The following MYLK variants were observed in gnomAD, a reference collection of about 807,000 sequenced individuals.
The protein encoded by MYLK is myosin light chain kinase.
In MYLK, 106 loss-of-function variants were observed where a neutral mutation model predicts 203.4. The ratio of observed to expected loss-of-function variants is 0.52; its 90% confidence interval spans 0.45 to 0.61. MYLK has a LOEUF of 0.61. Ranked by LOEUF, MYLK falls within the 20% of genes least tolerant of loss-of-function variation. The pLI, the probability that MYLK is intolerant of heterozygous loss-of-function variation, is 0.00. For missense variants in MYLK, 2,072 were observed against 2,442.3 expected, an observed-to-expected ratio of 0.85 and a Z score of 3.20; for synonymous variants, 867 against 959.5, an observed-to-expected ratio of 0.90 and a Z score of 1.78.
intron 4 of MYLK, among the ~76,000 whole-genome samples, chr3:123,762,853 A>G (rs2063578541): frequency 6.6e-6 from 1 of 152,160 alleles, no homozygotes; most frequent in Non-Finnish European, 1.5e-5. Flanking sequence ...TTGATCTTAG[A>G]CTTCTCAGCT....
intron 19 of MYLK, among the ~76,000 whole-genome samples, chr3:123,684,134 C>T (rs948733808): frequency 2.6e-5 from 4 of 152,184 alleles, no homozygotes; most frequent in African/African-American, 9.7e-5. Context: ...ATCCTCTGGA[C>T]ATAGTTATTT....
At chr3:123,722,046 A>G in intron 13 of MYLK, 82 bp downstream of exon 13, 2 of 1,531,300 alleles carry the variant, frequency 1.3e-6, no homozygotes, top group East Asian at 2.5e-5. Flanking sequence ...TCATGATACC[A>G]TTTTCTACAA....
At chr3:123,665,129 A>G (rs2108331846) in intron 22 of MYLK, among the ~76,000 whole-genome samples, 1 of 152,354 alleles carries the variant, frequency 6.6e-6, no homozygotes, top group East Asian at 1.9e-4. Context: ...TATGAATTAT[A>G]TCTTAACAAA....
chr3:123,725,031 C>T (rs2062231021), intron 12 of MYLK, among the ~76,000 whole-genome samples: 1 of 152,142 alleles, frequency 6.6e-6, no homozygotes, highest in African/African-American at 2.4e-5. Context: ...GCATGAGCCA[C>T]CACACCTGGC....
chr3:123,826,098 A>G (rs73201815), intron 3 of MYLK, among the ~76,000 whole-genome samples: 2 of 152,120 alleles, frequency 1.3e-5, no homozygotes, highest in Admixed American at 1.3e-4. Context: ...CCCACAGGAC[A>G]TTCCTGGCAG....
At chr3:123,723,839 G>A (rs2062180042) in intron 12 of MYLK, among the ~76,000 whole-genome samples, 1 of 152,218 alleles carries the variant, frequency 6.6e-6, no homozygotes, top group African/African-American at 2.4e-5. Context: ...TATGGCTCCT[G>A]GGCAGAATGC....
chr3:123,853,944 A>G (rs1197357733), intron 2 of MYLK, among the ~76,000 whole-genome samples: 1 of 152,108 alleles, frequency 6.6e-6, no homozygotes, highest in Non-Finnish European at 1.5e-5. Flanking sequence ...ATATAACATA[A>G]GCAGAGGCTT....
intron 24 of MYLK, among the ~76,000 whole-genome samples, chr3:123,653,162 T>G (rs559323283): frequency 2.3e-3 from 345 of 152,170 alleles, no homozygotes; most frequent in African/African-American, 7.7e-3. Flanking sequence ...AGCACTGCCT[T>G]TTTAATATGA....
intron 27 of MYLK, among the ~76,000 whole-genome samples, chr3:123,644,818 G>T (rs942496596): frequency 1.3e-5 from 2 of 152,230 alleles, no homozygotes; most frequent in Non-Finnish European, 2.9e-5. Flanking sequence ...GCTGAATGTA[G>T]ATTGTAAGAT....
At chr3:123,760,526 T>C (rs935729672) in intron 4 of MYLK, among the ~76,000 whole-genome samples, 10 of 152,324 alleles carry the variant, frequency 6.6e-5, no homozygotes, top group African/African-American at 2.4e-4. Context: ...ACCACATTAA[T>C]AGATTCTAAA....
At chr3:123,846,042 A>G (rs2029937478) in intron 2 of MYLK, among the ~76,000 whole-genome samples, 1 of 152,164 alleles carries the variant, frequency 6.6e-6, no homozygotes. Context: ...AACTGATGTT[A>G]TTTTTATGTT....
chr3:123,682,943 G>A (rs1029690569), intron 19 of MYLK, among the ~76,000 whole-genome samples: 14 of 152,134 alleles, frequency 9.2e-5, no homozygotes, highest in Non-Finnish European at 8.8e-5. Flanking sequence ...CCTGCTGGGC[G>A]GACCTAAAGA....
intron 2 of MYLK, among the ~76,000 whole-genome samples, chr3:123,850,201 C>T (rs970414209): frequency 3.3e-5 from 5 of 152,174 alleles, no homozygotes; most frequent in African/African-American, 7.2e-5. Flanking sequence ...TTGCAGTAAA[C>T]ATATGTGTGC....
At chr3:123,756,244 A>G (rs2063355003) in intron 4 of MYLK, among the ~76,000 whole-genome samples, 1 of 152,226 alleles carries the variant, frequency 6.6e-6, no homozygotes, top group African/African-American at 2.4e-5. Context: ...AAGAGACCCT[A>G]AATCCCTTAT....
rs1425713512 is a variant in MYLK at position 123,739,879 on chromosome 3, C to T, written c.422+74G>A. The T allele has an allele frequency of 2.6e-6, 4 of 1,533,960 alleles. No homozygotes were observed. The African/African-American group carries it at 5.5e-5, about 21-fold the overall frequency. ...TAACCTAGGAGAGCCAAGACTTACT[C>T]CCCAGACCTATCCTGCTCAAGTCAG... On this transcript the variant is annotated intron_variant, in intron 6 of 33. Coordinates refer to ENST00000360304, the MANE Select transcript of MYLK (RefSeq NM_053025.4).
In MYLK at chr3:123,649,072, G is replaced by A. The variant is rs369365580; in HGVS notation, c.4322-8C>T. On this transcript the variant is annotated splice_polypyrimidine_tract_variant and splice_region_variant and intron_variant, in intron 25 of 33. Transcript: ENST00000360304. ...CCTCGGGCTCCTTCTCATCTGTGGG[G>A]CACAGGTCAGGGTTGGTGTGAGTCT... 1.2e-5 allele frequency: 20 copies of A among 1,613,906 alleles called. No homozygotes were observed. The African/African-American group carries it at 2.4e-4, about 19-fold the overall frequency.
Position 123,610,903 on chromosome 3 carries a change from T to C in MYLK, c.*3202A>G, listed in dbSNP as rs1349885354. The C allele has an allele frequency of 1.3e-5, 2 of 152,216 alleles. No individual in the cohort carries two copies. Among genetic ancestry groups the C allele is most frequent in the African/African-American group, 4.8e-5 (2 of 41,450 alleles). The allele number at this position is 152,216 out of a possible 1,614,324, so 9.4% of individuals were successfully genotyped here. Reference sequence around the variant, plus strand: ...GTCAGCATGTCTTATTAGTTGCATGTAGGAAATATCTTTTAATAAGATATG... The same window carrying C: ...GTCAGCATGTCTTATTAGTTGCATGCAGGAAATATCTTTTAATAAGATATG... On this transcript the variant is annotated 3_prime_UTR_variant, in exon 34 of 34. Coordinates refer to ENST00000360304, the MANE Select transcript of MYLK (RefSeq NM_053025.4).
chr3:123,692,730 C>T lies in MYLK; in HGVS notation c.3565+5G>A. The stretch of plus-strand genomic sequence containing the variant: ...GGGTGGCGGCGATGGGTGGGCACGA[C>T]CTACCATCCACGGTGACTTGGCAGG... On this transcript the variant is annotated splice_donor_5th_base_variant and intron_variant, in intron 19 of 33. Coordinates refer to ENST00000360304, the MANE Select transcript of MYLK (RefSeq NM_053025.4). The T allele has an allele frequency of 6.2e-7, 1 of 1,610,744 alleles. No individual in the cohort carries two copies. The highest frequency in any genetic ancestry group is 8.5e-7 in the Non-Finnish European group (1 of 1,177,110).
intron 1 of MYLK, among the ~76,000 whole-genome samples, chr3:123,879,468 C>G (rs1033906228): frequency 1.3e-5 from 2 of 152,152 alleles, no homozygotes; most frequent in African/African-American, 2.4e-5. Flanking sequence ...ATTTTTGAGG[C>G]CTTCCTGCAT....
Sources: allele counts gnomAD v4.1 joint callset (sites outside exome capture counted in the v4.1 genomes callset), GRCh38; gene constraint gnomAD v4.1.1; transcripts MANE v1.5; gene names NCBI Gene and HGNC (gene_info 2026-07-23, HGNC 2026-07-21).